CTNNA2: variants seen among roughly 807,000 people sequenced by gnomAD.
CTNNA2 encodes catenin alpha-2.
Under a neutral mutation model 101.0 loss-of-function variants are expected in CTNNA2, and 42 were observed. That is an observed-to-expected ratio of 0.42 (90% CI 0.32 to 0.54). The LOEUF (loss-of-function observed/expected upper bound fraction) is 0.54, where lower values mean the gene tolerates loss of function less well. Ranked by LOEUF, CTNNA2 falls within the 20% of genes least tolerant of loss-of-function variation. CTNNA2 has a pLI of 0.14. For synonymous variants in CTNNA2, 450 were observed against 456.4 expected (o/e 0.99, Z 0.18); for missense variants, 871 against 1,223.1 (o/e 0.71, Z 4.29).
At chr2:79,810,199 T>TA in intron 3 of CTNNA2, among the ~76,000 whole-genome samples, 1 of 152,044 alleles carries the variant, frequency 6.6e-6, no homozygotes, top group Admixed American at 6.6e-5. Context: ...GGTAATTTAT[T>TA]AAAAAAAGAA....
chr2:80,400,902 C>A (rs535388020), intron 8 of CTNNA2, among the ~76,000 whole-genome samples: 1 of 152,298 alleles, frequency 6.6e-6, no homozygotes, highest in East Asian at 1.9e-4. Context: ...ATGATTGCCC[C>A]AACAGTATCA....
chr2:80,230,246 C>CTTT (rs1168658653), intron 7 of CTNNA2, among the ~76,000 whole-genome samples: 1 of 131,222 alleles, frequency 7.6e-6, no homozygotes, highest in African/African-American at 3.1e-5. Context: ...CTCTCTCTCT[C>CTTT]TTTTTTTTTC....
chr2:80,487,600 A>G (rs1011255307), intron 9 of CTNNA2, among the ~76,000 whole-genome samples: 6 of 152,176 alleles, frequency 3.9e-5, no homozygotes, highest in East Asian at 1.9e-4. Flanking sequence ...AACTGCCCCC[A>G]TGATTCAATT....
intron 2 of CTNNA2, among the ~76,000 whole-genome samples, chr2:79,265,654 T>C (rs1674978153): frequency 6.6e-6 from 1 of 152,216 alleles, no homozygotes; most frequent in African/African-American, 2.4e-5. Context: ...AACATATACG[T>C]TTACAGAATT....
chr2:79,386,546 C>T (rs1343447199), intron 4 of CTNNA2, among the ~76,000 whole-genome samples: 35 of 152,172 alleles, frequency 2.3e-4, no homozygotes, highest in Non-Finnish European at 5.9e-5. Flanking sequence ...ATAACATAGT[C>T]TCTTAATTTG....
chr2:79,411,645 A>G (rs1440221534), intron 4 of CTNNA2, among the ~76,000 whole-genome samples: 2 of 152,084 alleles, frequency 1.3e-5, no homozygotes, highest in Non-Finnish European at 2.9e-5. Context: ...CAGCCAAACT[A>G]AGCTTCATAA....
rs369865091 is a variant in CTNNA2 at position 80,472,270 on chromosome 2, G to A, written c.1290+52669G>A. 1.7e-4 allele frequency among the ~76,000 whole-genome samples: 26 copies of A among 152,250 alleles called. No individual in the cohort carries two copies. The East Asian group carries it at 3.5e-3, about 20-fold the overall frequency. ...TTATGGTGATCCTGGCAGCTCAGTG[G>A]CACCAAAAGGACTATATTTCACAGA... On this transcript the variant is annotated intron_variant, in intron 9 of 18. Coordinates refer to ENST00000402739, the MANE Select transcript of CTNNA2 (RefSeq NM_001282597.3).
chr2:80,592,639 TC>T (rs1696611096), intron 15 of CTNNA2, among the ~76,000 whole-genome samples: 1 of 152,132 alleles, frequency 6.6e-6, no homozygotes, highest in African/African-American at 2.4e-5. Flanking sequence ...TAGTAAAATT[TC>T]CCAAACATAT....
At chr2:79,816,845 C>T (rs1037390000) in intron 3 of CTNNA2, among the ~76,000 whole-genome samples, 1 of 152,046 alleles carries the variant, frequency 6.6e-6, no homozygotes, top group Non-Finnish European at 1.5e-5. Context: ...GTTAAAATAG[C>T]CTTTTTACAG....
chr2:79,922,312 A>G (rs118112072), intron 7 of CTNNA2, among the ~76,000 whole-genome samples: 148 of 152,278 alleles, frequency 9.7e-4, no homozygotes, highest in East Asian at 6.2e-3. Flanking sequence ...AGTTTTAAAA[A>G]AAGACATTGG....
At chr2:80,203,184 C>G (rs1434853361) in intron 7 of CTNNA2, among the ~76,000 whole-genome samples, 2 of 152,216 alleles carry the variant, frequency 1.3e-5, no homozygotes, top group Non-Finnish European at 1.5e-5. Flanking sequence ...CAGAGCCAAA[C>G]TGTGTCATTC....
At chr2:80,255,324 T>G (rs892822300) in intron 7 of CTNNA2, among the ~76,000 whole-genome samples, 6 of 152,126 alleles carry the variant, frequency 3.9e-5, no homozygotes, top group Non-Finnish European at 5.9e-5. Flanking sequence ...AGAAAGCCAG[T>G]GCCCCATGGT....
At chr2:80,107,276 T>C (rs1700945227) in intron 7 of CTNNA2, among the ~76,000 whole-genome samples, 2 of 152,164 alleles carry the variant, frequency 1.3e-5, no homozygotes, top group Admixed American at 1.3e-4. Flanking sequence ...TGGCTCACCC[T>C]GCTCCCCATC....
At chr2:80,307,345 C>T (rs1677125073) in intron 7 of CTNNA2, among the ~76,000 whole-genome samples, 1 of 152,128 alleles carries the variant, frequency 6.6e-6, no homozygotes, top group Admixed American at 6.5e-5. Flanking sequence ...ATAAGAACAA[C>T]ATGAATCGAG....
intron 7 of CTNNA2, among the ~76,000 whole-genome samples, chr2:79,959,997 A>G (rs1689518373): frequency 6.6e-6 from 1 of 152,170 alleles, no homozygotes; most frequent in South Asian, 2.1e-4. Context: ...AAAGTGTCTG[A>G]GTTTGGAATT....
chr2:80,011,538 A>G (rs1693784150), intron 7 of CTNNA2, among the ~76,000 whole-genome samples: 1 of 150,328 alleles, frequency 6.7e-6, no homozygotes, highest in Admixed American at 6.6e-5. Context: ...AAAAAAGAAC[A>G]TCAACATTCT....
At position 80,091,614 on chromosome 2, in the gene CTNNA2, G is replaced by A. The variant is rs570672336; in HGVS notation, c.1056+181817G>A. Among the ~76,000 whole-genome samples the A allele has an allele frequency of 3.3e-5, 5 of 152,170 alleles. No homozygotes were observed. In the South Asian group the frequency reaches 6.2e-4, roughly 19 times the overall value. On this transcript the variant is annotated intron_variant, in intron 7 of 18. Transcript: ENST00000402739. ...TAGGCTAGAGTTAGGACAGAGTCCC[G>A]GGGACCAAGTCAGACTGAAGGGGTA...
intron 7 of CTNNA2, among the ~76,000 whole-genome samples, chr2:80,142,012 TTC>T (rs1237776067): frequency 2.0e-5 from 3 of 152,146 alleles, no homozygotes; most frequent in African/African-American, 7.2e-5. Context: ...CTGACTGCTG[TTC>T]TTTGTTCTGA....
chr2:80,168,933 C>T (rs939852164), intron 7 of CTNNA2, among the ~76,000 whole-genome samples: 2 of 152,146 alleles, frequency 1.3e-5, no homozygotes, highest in Non-Finnish European at 2.9e-5. Flanking sequence ...CAAGACTGAC[C>T]TTTGATCTTG....
Sources: gnomAD v4.1 joint callset for allele counts (sites outside exome capture counted in the v4.1 genomes callset) on GRCh38, gnomAD v4.1.1 for gene constraint, MANE v1.5 for transcripts, NCBI Gene and HGNC (gene_info 2026-07-23, HGNC 2026-07-21) for gene names.